The following FAM162B variants were observed in gnomAD, a reference collection of about 807,000 sequenced individuals.
The protein encoded by FAM162B is protein FAM162B.
Under a neutral mutation model 20.0 loss-of-function variants are expected in FAM162B, and 16 were observed. That is an observed-to-expected ratio of 0.80 (90% CI 0.54 to 1.21). The LOEUF (loss-of-function observed/expected upper bound fraction) is 1.21. FAM162B is among the 50% of genes most tolerant of loss of function. FAM162B has a pLI of 0.00. For missense variants in FAM162B, 260 were observed against 227.5 expected, an observed-to-expected ratio of 1.14 and a Z score of -0.92; for synonymous variants, 83 against 89.7, an observed-to-expected ratio of 0.93 and a Z score of 0.42.
intron 3 of FAM162B, among the ~76,000 whole-genome samples, chr6:116,753,213 A>G (rs1184076937): frequency 6.6e-6 from 1 of 152,128 alleles, no homozygotes; most frequent in Non-Finnish European, 1.5e-5. Flanking sequence ...TGCTTCCACA[A>G]TGAATTCACC....
intron 2 of FAM162B, among the ~76,000 whole-genome samples, chr6:116,764,857 G>A (rs140409787): frequency 3.3e-5 from 5 of 152,194 alleles, no homozygotes; most frequent in Non-Finnish European, 1.5e-5. Context: ...CTGCCTCCCA[G>A]TTCGGAGCTT....
intron 3 of FAM162B, among the ~76,000 whole-genome samples, chr6:116,760,475 G>T (rs1780127214): frequency 6.6e-6 from 1 of 152,156 alleles, no homozygotes; most frequent in Admixed American, 6.5e-5. Flanking sequence ...TTGGAAACTT[G>T]TGATTATGAT....
chr6:116,762,541 A>G (rs977880006), intron 2 of FAM162B, among the ~76,000 whole-genome samples: 3 of 151,814 alleles, frequency 2.0e-5, no homozygotes, highest in Non-Finnish European at 2.9e-5. Context: ...CTCGCCTCCC[A>G]ATCTCTTGTC....
At chr6:116,764,637 C>T (rs9489036) in intron 2 of FAM162B, among the ~76,000 whole-genome samples, 1 of 152,066 alleles carries the variant, frequency 6.6e-6, no homozygotes, top group Non-Finnish European at 1.5e-5. Flanking sequence ...GTCCGCCAGG[C>T]GTCTCCTGCC....
chr6:116,755,908 G>T (rs1780045876), intron 3 of FAM162B, among the ~76,000 whole-genome samples: 2 of 150,634 alleles, frequency 1.3e-5, no homozygotes, highest in Non-Finnish European at 3.0e-5. Flanking sequence ...TTACTTCTCA[G>T]AAAAAAAAAG....
In FAM162B at chr6:116,765,662, C is replaced by G. The variant is rs1771903025; in HGVS notation, c.-86G>C. ...GCAGCTCTCCTCGTCCCGCCCCGGC[C>G]TGCCGCGCGCTGGAGAGCCTGGGAC... On this transcript the variant is annotated 5_prime_UTR_variant, in exon 1 of 4. Transcript: ENST00000368557. The G allele has an allele frequency of 8.1e-7, 1 of 1,236,562 alleles. No individual in the cohort carries two copies. Among genetic ancestry groups the G allele is most frequent in the Non-Finnish European group, 1.0e-6 (1 of 989,130 alleles). The allele number at this position is 1,236,562 out of a possible 1,614,324, so 76.6% of individuals were successfully genotyped here.
chr6:116,752,685 C>T lies in FAM162B; in HGVS notation c.401G>A (p.Arg134Gln), dbSNP rs569615377. The T allele has an allele frequency of 1.3e-5, 20 of 1,547,914 alleles. No individual in the cohort carries two copies. Among genetic ancestry groups the T allele is most frequent in the East Asian group, 1.2e-4 (5 of 42,630 alleles). ...VIVSAKRAVE[R>Q]HESLTSWNLA... The stretch of plus-strand genomic sequence containing the variant: ...GTTCCAACTTGTTAAGGATTCATGT[C>T]GTTCTACAGCCTGTGGGGGGGAAGA... The change falls in exon 4 of 4, where the codon CGA (arginine) becomes CAA (glutamine). Residue 134 changes from arginine (R) to glutamine (Q), a missense_variant. Transcript: ENST00000368557.
At chr6:116,752,769 T>C in intron 3 of FAM162B, 74 bp from the exon 4 acceptor site, 1 of 411,810 alleles carries the variant, frequency 2.4e-6, no homozygotes, top group Non-Finnish European at 3.6e-6. Flanking sequence ...CATATATGTA[T>C]ATATATCTCA....
chr6:116,753,642 G>A (rs917335205), intron 3 of FAM162B, among the ~76,000 whole-genome samples: 6 of 152,274 alleles, frequency 3.9e-5, no homozygotes, highest in Admixed American at 6.5e-5. Flanking sequence ...ACATCCAAAG[G>A]GAAATGTTAA....
chr6:116,759,122 C>T (rs1780090396), intron 3 of FAM162B, among the ~76,000 whole-genome samples: 2 of 152,044 alleles, frequency 1.3e-5, no homozygotes, highest in African/African-American at 4.8e-5. Flanking sequence ...TTTAAAATGT[C>T]AAGTCTTCCT....
intron 3 of FAM162B, among the ~76,000 whole-genome samples, chr6:116,755,909 A>G (rs1780045916): frequency 6.6e-6 from 1 of 151,594 alleles, no homozygotes; most frequent in Non-Finnish European, 1.5e-5. Flanking sequence ...TACTTCTCAG[A>G]AAAAAAAAGA....
At chr6:116,754,171 A>T (rs1405719456) in intron 3 of FAM162B, among the ~76,000 whole-genome samples, 1 of 152,192 alleles carries the variant, frequency 6.6e-6, no homozygotes, top group Admixed American at 6.5e-5. Context: ...ACTATGTGCC[A>T]GAATTTCTGT....
chr6:116,756,990 T>C (rs1432677614), intron 3 of FAM162B, among the ~76,000 whole-genome samples: 1 of 152,242 alleles, frequency 6.6e-6, no homozygotes, highest in African/African-American at 2.4e-5. Context: ...GAAAATTACA[T>C]GGCGTCTTTA....
At chr6:116,754,566 A>ATCC (rs1297048887) in intron 3 of FAM162B, among the ~76,000 whole-genome samples, 1 of 152,210 alleles carries the variant, frequency 6.6e-6, no homozygotes, top group Non-Finnish European at 1.5e-5. Context: ...GGAATAGAGA[A>ATCC]TCCTCCTCTA....
chr6:116,757,022 G>A (rs1484927848), intron 3 of FAM162B, among the ~76,000 whole-genome samples: 1 of 152,118 alleles, frequency 6.6e-6, no homozygotes, highest in African/African-American at 2.4e-5. Flanking sequence ...GGATAATTTT[G>A]TAAGCTTAAA....
At chr6:116,764,846 A>T (rs1180822084) in intron 2 of FAM162B, among the ~76,000 whole-genome samples, 34 of 152,166 alleles carry the variant, frequency 2.2e-4, no homozygotes, top group Non-Finnish European at 3.5e-4. Flanking sequence ...CAAGAGCCCC[A>T]CTGCCTCCCA....
chr6:116,761,876 A>G, intron 3 of FAM162B, 101 bp downstream of exon 3: 1 of 765,780 alleles, frequency 1.3e-6, no homozygotes, highest in Non-Finnish European at 2.0e-6. Flanking sequence ...TGGGCTGACT[A>G]AGGAGGTACT....
At chr6:116,760,549 T>C (rs1395199610) in intron 3 of FAM162B, among the ~76,000 whole-genome samples, 1 of 152,224 alleles carries the variant, frequency 6.6e-6, no homozygotes, top group Non-Finnish European at 1.5e-5. Flanking sequence ...AAACAAATTG[T>C]CTAATTAATG....
intron 3 of FAM162B, among the ~76,000 whole-genome samples, chr6:116,758,692 G>T (rs1420329828): frequency 6.6e-6 from 1 of 151,944 alleles, no homozygotes; most frequent in Non-Finnish European, 1.5e-5. Flanking sequence ...TGATTTTAAG[G>T]CTTCACATTT....
Sources: allele counts gnomAD v4.1 joint callset (sites outside exome capture counted in the v4.1 genomes callset), GRCh38; gene constraint gnomAD v4.1.1; transcripts MANE v1.5; gene names NCBI Gene and HGNC (gene_info 2026-07-23, HGNC 2026-07-21).